The following GTF2E2 variants were observed in gnomAD, a reference collection of about 807,000 sequenced individuals.
The protein encoded by GTF2E2 is general transcription factor IIE subunit 2, also known as transcription initiation factor IIE subunit beta.
In GTF2E2, 21 loss-of-function variants were observed where a neutral mutation model predicts 40.5. That is an observed-to-expected ratio of 0.52 (90% CI 0.37 to 0.75). GTF2E2 has a LOEUF of 0.75. Ranked by LOEUF, GTF2E2 falls within the 30% of genes least tolerant of loss-of-function variation. The pLI, the probability that GTF2E2 is intolerant of heterozygous loss-of-function variation, is 0.00. For synonymous variants in GTF2E2, 117 were observed against 121.6 expected (o/e 0.96, Z 0.25); for missense variants, 298 against 338.4 (o/e 0.88, Z 0.94).
chr8:30,607,519 G>C (rs1050000680), intron 5 of GTF2E2, among the ~76,000 whole-genome samples: 6 of 152,078 alleles, frequency 3.9e-5, no homozygotes, highest in African/African-American at 1.2e-4. Flanking sequence ...GGGCTCAAGC[G>C]ATCTTCCCAC....
chr8:30,593,344 G>A (rs2151113663), intron 6 of GTF2E2, among the ~76,000 whole-genome samples: 1 of 152,300 alleles, frequency 6.6e-6, no homozygotes, highest in East Asian at 1.9e-4. Context: ...TACTGAAAGA[G>A]GAATGCTGTA....
chr8:30,601,065 GT>G (rs1446247930), intron 6 of GTF2E2, among the ~76,000 whole-genome samples: 1 of 152,144 alleles, frequency 6.6e-6, no homozygotes, highest in Non-Finnish European at 1.5e-5. Flanking sequence ...GTTTTGTTTT[GT>G]TTTTGTTACT....
At chr8:30,636,003 A>C (rs912809551) in intron 2 of GTF2E2, among the ~76,000 whole-genome samples, 1 of 152,220 alleles carries the variant, frequency 6.6e-6, no homozygotes, top group Non-Finnish European at 1.5e-5. Flanking sequence ...ATGGATGCTT[A>C]CTTTAAAAAG....
intron 2 of GTF2E2, chr8:30,645,148 A>C (rs888105794): frequency 1.2e-6 from 1 of 803,994 alleles, no homozygotes; most frequent in Admixed American, 3.0e-5. Flanking sequence ...AAAAAATTCA[A>C]AACTACCATT....
chr8:30,616,262 C>G lies in GTF2E2; in HGVS notation c.259-1547G>C, dbSNP rs1800915066. Among the ~76,000 whole-genome samples, 3 of 152,068 alleles carry G rather than the reference C, an allele frequency of 2.0e-5. No individual in the cohort carries two copies. The South Asian group carries it at 6.2e-4, about 32-fold the overall frequency. On this transcript the variant is annotated intron_variant, in intron 3 of 7. Coordinates refer to ENST00000355904, the MANE Select transcript of GTF2E2 (RefSeq NM_002095.6). ...ACCATCCTGGCCAACATGGTGAAATCCCATCTCTACTAAAATACAAAAAAT... is the reference window on the plus strand; with the variant it reads ...ACCATCCTGGCCAACATGGTGAAATGCCATCTCTACTAAAATACAAAAAAT...
chr8:30,638,470 T>C (rs969671991), intron 2 of GTF2E2: 1 of 152,470 alleles, frequency 6.6e-6, no homozygotes, highest in African/African-American at 2.4e-5. Context: ...TTCAAGTTTA[T>C]GAATGATTTA....
intron 3 of GTF2E2, among the ~76,000 whole-genome samples, chr8:30,625,853 C>T (rs976165312): frequency 1.3e-5 from 2 of 152,330 alleles, no homozygotes; most frequent in East Asian, 3.9e-4. Flanking sequence ...CCCGCCTCAG[C>T]CTCCCAAAGT....
intron 3 of GTF2E2, among the ~76,000 whole-genome samples, chr8:30,624,365 G>A (rs1801205632): frequency 6.6e-6 from 1 of 152,144 alleles, no homozygotes; most frequent in Middle Eastern, 3.4e-3. Flanking sequence ...TGTTCCATTG[G>A]TCTGTATCTC....
At chr8:30,641,009 G>A (rs1007347335) in intron 2 of GTF2E2, among the ~76,000 whole-genome samples, 2 of 152,104 alleles carry the variant, frequency 1.3e-5, no homozygotes, top group Admixed American at 6.6e-5. Flanking sequence ...CTTTCTGCAT[G>A]CTTAATTATG....
At chr8:30,618,846 A>G (rs1387158711) in intron 3 of GTF2E2, among the ~76,000 whole-genome samples, 1 of 152,202 alleles carries the variant, frequency 6.6e-6, no homozygotes, top group Admixed American at 6.5e-5. Context: ...AGACTGGGAA[A>G]TATTTCCATC....
chr8:30,614,657 G>A lies in GTF2E2; in HGVS notation c.317C>T (p.Thr106Ile). The change falls in exon 4 of 8, where the codon ACA (threonine) becomes ATA (isoleucine). Residue 106 changes from threonine (T) to isoleucine (I), a missense_variant. Transcript: ENST00000355904. ...PLTLDEILDE[T>I]QHLDIGLKQK... Reference sequence around the variant, plus strand: ...CTTGAGTCCAATATCTAAATGTTGTGTTTCATCCAAAATTTCATCTAAGGT... The same window carrying A: ...CTTGAGTCCAATATCTAAATGTTGTATTTCATCCAAAATTTCATCTAAGGT... 1 of 1,609,860 alleles carries A rather than the reference G, an allele frequency of 6.2e-7. No homozygotes were observed. Among genetic ancestry groups the A allele is most frequent in the African/African-American group, 1.3e-5 (1 of 74,838 alleles).
At chr8:30,651,281 A>C (rs545592496) in intron 2 of GTF2E2, among the ~76,000 whole-genome samples, 51 of 152,258 alleles carry the variant, frequency 3.3e-4, no homozygotes, top group South Asian at 8.3e-4. Context: ...CATAATCTTG[A>C]CATAGAAAAT....
chr8:30,640,991 G>C (rs994738500), intron 2 of GTF2E2, among the ~76,000 whole-genome samples: 2 of 152,054 alleles, frequency 1.3e-5, no homozygotes, highest in Non-Finnish European at 2.9e-5. Context: ...AGGCCTAATG[G>C]TATATTTCTT....
At chr8:30,608,673 A>G (rs1829391668) in intron 5 of GTF2E2, among the ~76,000 whole-genome samples, 1 of 152,236 alleles carries the variant, frequency 6.6e-6, no homozygotes, top group Non-Finnish European at 1.5e-5. Flanking sequence ...TGCCAAAGAA[A>G]TACTTACTGG....
At chr8:30,634,968 C>A (rs2128723707) in intron 3 of GTF2E2, 64 bp downstream of exon 3, 1 of 849,104 alleles carries the variant, frequency 1.2e-6, no homozygotes, top group Admixed American at 2.2e-5. Flanking sequence ...CTTCTGAAAA[C>A]CCTAATCTCC....
At chr8:30,618,646 A>C (rs1380471981) in intron 3 of GTF2E2, among the ~76,000 whole-genome samples, 1 of 152,184 alleles carries the variant, frequency 6.6e-6, no homozygotes. Context: ...TTCTCCTTAC[A>C]AAAAGGCAAA....
intron 6 of GTF2E2, among the ~76,000 whole-genome samples, chr8:30,582,018 T>G (rs1370515102): frequency 1.3e-5 from 2 of 152,170 alleles, no homozygotes; most frequent in Non-Finnish European, 2.9e-5. Flanking sequence ...TTTTTAAAAT[T>G]TATTTATTTT....
intron 2 of GTF2E2, among the ~76,000 whole-genome samples, chr8:30,652,497 C>T (rs1380235487): frequency 4.0e-5 from 6 of 149,932 alleles, no homozygotes; most frequent in Admixed American, 2.7e-4. Flanking sequence ...TAAGGAAATG[C>T]GTATTAAAGC....
At chr8:30,598,671 G>A (rs1001748043) in intron 6 of GTF2E2, among the ~76,000 whole-genome samples, 4 of 152,086 alleles carry the variant, frequency 2.6e-5, no homozygotes, top group Non-Finnish European at 4.4e-5. Context: ...TGACATCTAC[G>A]TAAATGTATT....
Sources: gnomAD v4.1 joint callset for allele counts (sites outside exome capture counted in the v4.1 genomes callset) on GRCh38, gnomAD v4.1.1 for gene constraint, MANE v1.5 for transcripts, NCBI Gene and HGNC (gene_info 2026-07-23, HGNC 2026-07-21) for gene names.